RERE: variants seen among roughly 807,000 people sequenced by gnomAD.
RERE encodes arginine-glutamic acid dipeptide repeats protein.
RERE carries 40 observed loss-of-function variants against 146.1 expected under a neutral mutation model. That is an observed-to-expected ratio of 0.27 (90% CI 0.21 to 0.36). The LOEUF (loss-of-function observed/expected upper bound fraction) is 0.36. Among genes scored for constraint, RERE ranks in the 10% least tolerant of loss-of-function variants. The pLI is 1.00. For synonymous variants in RERE, 1,003 were observed against 866.0 expected, an observed-to-expected ratio of 1.16 and a Z score of -2.78; for missense variants, 1,933 against 2,138.7, an observed-to-expected ratio of 0.90 and a Z score of 1.90.
At chr1:8,428,925 T>C (rs915631137) in intron 11 of RERE, among the ~76,000 whole-genome samples, 1 of 152,182 alleles carries the variant, frequency 6.6e-6, no homozygotes, top group Non-Finnish European at 1.5e-5. Flanking sequence ...GCCTCACTGG[T>C]CTGCCTAGAT....
At chr1:8,410,597 C>T (rs1345274067) in intron 12 of RERE, among the ~76,000 whole-genome samples, 3 of 152,232 alleles carry the variant, frequency 2.0e-5, no homozygotes, top group Non-Finnish European at 4.4e-5. Flanking sequence ...TGCAGGAATG[C>T]TGTAGAAGAT....
At chr1:8,635,228 G>T (rs899326177) in intron 2 of RERE, among the ~76,000 whole-genome samples, 6 of 152,112 alleles carry the variant, frequency 3.9e-5, no homozygotes, top group African/African-American at 9.6e-5. Flanking sequence ...ATCTCCTTAT[G>T]ATTGCAATCA....
At chr1:8,724,891 C>CAAAA (rs1557504764) in intron 1 of RERE, among the ~76,000 whole-genome samples, 2 of 144,574 alleles carry the variant, frequency 1.4e-5, no homozygotes, top group African/African-American at 2.6e-5. Flanking sequence ...AAAAAAAAAA[C>CAAAA]AACTCAACCT....
At position 8,685,953 on chromosome 1, in the gene RERE, A is replaced by C. The variant is rs191239093; in HGVS notation, c.-144-29512T>G. 1.3e-4 allele frequency among the ~76,000 whole-genome samples: 20 copies of C among 150,952 alleles called. No homozygotes were observed. The East Asian group carries it at 3.9e-3, about 29-fold the overall frequency. On this transcript the variant is annotated intron_variant, in intron 1 of 22. Coordinates refer to ENST00000400908, the MANE Select transcript of RERE (RefSeq NM_001042681.2). The stretch of plus-strand genomic sequence containing the variant: ...AAGGCAGCTAAGTAGGTCTGGACTA[A>C]AGATAACATTTTAAACTCTTTAGGT...
chr1:8,533,050 G>A (rs931642080), intron 7 of RERE, among the ~76,000 whole-genome samples: 4 of 151,970 alleles, frequency 2.6e-5, no homozygotes, highest in Admixed American at 1.3e-4. Context: ...TTTTCTTTTC[G>A]GTCTAATGAG....
At chr1:8,802,181 A>T (rs963442797) in intron 1 of RERE, among the ~76,000 whole-genome samples, 45 of 152,180 alleles carry the variant, frequency 3.0e-4, no homozygotes, top group Non-Finnish European at 7.3e-5. Flanking sequence ...TATGATCCCA[A>T]CCTATCTTTC....
At chr1:8,644,578 T>G (rs1003356955) in intron 2 of RERE, among the ~76,000 whole-genome samples, 1 of 152,244 alleles carries the variant, frequency 6.6e-6, no homozygotes, top group African/African-American at 2.4e-5. Flanking sequence ...TAGAAAAATG[T>G]GTATTTCTCT....
chr1:8,546,660 C>A (rs1645866134), intron 6 of RERE, among the ~76,000 whole-genome samples: 1 of 151,808 alleles, frequency 6.6e-6, no homozygotes, highest in South Asian at 2.1e-4. Context: ...CCAGCCTGGC[C>A]AACATAGTGA....
At chr1:8,544,742 T>C (rs1374545041) in intron 6 of RERE, among the ~76,000 whole-genome samples, 4 of 152,180 alleles carry the variant, frequency 2.6e-5, no homozygotes, top group South Asian at 2.1e-4. Flanking sequence ...TTGTACTGTA[T>C]ATTAAAAAAC....
At chr1:8,716,614 C>CA (rs201987500) in intron 1 of RERE, among the ~76,000 whole-genome samples, 174 of 149,550 alleles carry the variant, frequency 1.2e-3, no homozygotes, top group African/African-American at 3.7e-3. Flanking sequence ...AATAAACAAA[C>CA]AAAAAAAAAT....
chr1:8,483,497 A>T (rs987278190), intron 10 of RERE, among the ~76,000 whole-genome samples: 2 of 152,248 alleles, frequency 1.3e-5, no homozygotes, highest in African/African-American at 2.4e-5. Context: ...AATAAAAGAG[A>T]AATGAAAATG....
chr1:8,740,290 T>A (rs1640282700), intron 1 of RERE, among the ~76,000 whole-genome samples: 1 of 152,200 alleles, frequency 6.6e-6, no homozygotes, highest in Non-Finnish European at 1.5e-5. Context: ...CTGAATACTG[T>A]AAACAACTGT....
intron 4 of RERE, among the ~76,000 whole-genome samples, chr1:8,593,870 C>T (rs573872958): frequency 2.0e-5 from 3 of 152,218 alleles, no homozygotes; most frequent in East Asian, 1.9e-4. Context: ...GGGACCATGG[C>T]GAGACCTTGA....
intron 1 of RERE, among the ~76,000 whole-genome samples, chr1:8,706,820 CATT>C (rs549636536): frequency 4.6e-4 from 70 of 152,200 alleles, no homozygotes; most frequent in Non-Finnish European, 7.3e-4. Flanking sequence ...TTTTAACCCT[CATT>C]AGTATGAGTT....
intron 4 of RERE, among the ~76,000 whole-genome samples, chr1:8,564,243 C>A (rs972690723): frequency 6.6e-6 from 1 of 152,172 alleles, no homozygotes; most frequent in Non-Finnish European, 1.5e-5. Flanking sequence ...AACCTCTTAT[C>A]CAAAATACCT....
chr1:8,448,827 TCAAA>T (rs1218773726), intron 11 of RERE, among the ~76,000 whole-genome samples: 2 of 150,462 alleles, frequency 1.3e-5, no homozygotes, highest in African/African-American at 4.9e-5. Flanking sequence ...AGACTCCATC[TCAAA>T]CAATCAATCA....
At chr1:8,777,586 G>A (rs1641089141) in intron 1 of RERE, among the ~76,000 whole-genome samples, 1 of 147,232 alleles carries the variant, frequency 6.8e-6, no homozygotes, top group African/African-American at 2.5e-5. Flanking sequence ...CCAGGCTGGA[G>A]TGCAGTGGCA....
chr1:8,673,475 T>A (rs1178026981), intron 1 of RERE, among the ~76,000 whole-genome samples: 1 of 152,174 alleles, frequency 6.6e-6, no homozygotes, highest in African/African-American at 2.4e-5. Flanking sequence ...CAGTCCTGTT[T>A]ACCATGTAAC....
intron 4 of RERE, among the ~76,000 whole-genome samples, chr1:8,559,189 A>C (rs2124428599): frequency 6.8e-6 from 1 of 146,952 alleles, no homozygotes; most frequent in Admixed American, 6.8e-5. Context: ...CTGAGGCAGG[A>C]GAATTGCTTG....
Sources: gnomAD v4.1 joint callset for allele counts (sites outside exome capture counted in the v4.1 genomes callset) on GRCh38, gnomAD v4.1.1 for gene constraint, MANE v1.5 for transcripts, NCBI Gene and HGNC (gene_info 2026-07-23, HGNC 2026-07-21) for gene names.